CDH23: variants seen among roughly 807,000 people sequenced by gnomAD.
CDH23 encodes the protein cadherin related 23, also known as cadherin-23.
Under a neutral mutation model 317.1 loss-of-function variants are expected in CDH23, and 189 were observed. The ratio of observed to expected loss-of-function variants is 0.60; its 90% CI spans 0.53 to 0.67. The LOEUF is 0.67. CDH23 is among the 30% of genes least tolerant of loss of function. CDH23 has a pLI of 0.00. For missense variants in CDH23, 4,401 were observed against 4,592.4 expected, an observed-to-expected ratio of 0.96 and a Z score of 1.20; for synonymous variants, 1,839 against 1,876.8, an observed-to-expected ratio of 0.98 and a Z score of 0.52.
At chr10:71,403,371 CTTTCTTTCTT>C (rs1229778994) in intron 1 of CDH23, among the ~76,000 whole-genome samples, 1 of 111,148 alleles carries the variant, frequency 9.0e-6, no homozygotes, top group Non-Finnish European at 1.7e-5. Flanking sequence ...TTCTTTCTTT[CTTTCTTTCTT>C]TCTTTCTTTC....
intron 35 of CDH23, 109 bp from the exon 36 acceptor site, chr10:71,739,535 T>G: frequency 7.2e-7 from 1 of 1,386,698 alleles, no homozygotes; most frequent in Non-Finnish European, 9.7e-7. Context: ...AAGCCCTTGC[T>G]CAACAGAGGG....
Position 71,809,805 on chromosome 10 carries a change from T to C in CDH23, c.8723-15T>C. The C allele has an allele frequency of 6.2e-7, 1 of 1,607,622 alleles. No homozygotes were observed. Reference sequence around the variant, plus strand: ...TGAGTCTCTGAGCCGTACCCCGCCTTTGGGCTTCCTGCAGGGAGCATGGAC... The same window carrying C: ...TGAGTCTCTGAGCCGTACCCCGCCTCTGGGCTTCCTGCAGGGAGCATGGAC... On this transcript the variant is annotated splice_polypyrimidine_tract_variant and intron_variant, in intron 60 of 69. Coordinates refer to ENST00000224721, the MANE Select transcript of CDH23 (RefSeq NM_022124.6).
intron 3 of CDH23, among the ~76,000 whole-genome samples, chr10:71,492,066 A>G (rs1307339047): frequency 1.3e-5 from 2 of 152,346 alleles, no homozygotes; most frequent in Non-Finnish European, 1.5e-5. Flanking sequence ...CACAGAGCCC[A>G]GAGTCCTGCC....
Position 71,440,343 on chromosome 10 carries a change from G to T in CDH23, c.67+445G>T, listed in dbSNP as rs536548612. Among the ~76,000 whole-genome samples, 7 of 152,300 alleles carry T rather than the reference G, an allele frequency of 4.6e-5. No individual in the cohort carries two copies. The East Asian group carries it at 1.4e-3, about 29-fold the overall frequency. ...CTCAAGAAGCTCAGAGCCTGGCAGG[G>T]GAGAAAGACACATGCAGGATTTCCT... is the stretch of plus-strand genomic sequence containing the variant. On this transcript the variant is annotated intron_variant, in intron 2 of 69. Transcript: ENST00000224721.
intron 1 of CDH23, among the ~76,000 whole-genome samples, chr10:71,409,786 G>A (rs1481709965): frequency 2.6e-5 from 4 of 152,166 alleles, no homozygotes; most frequent in Admixed American, 1.3e-4. Context: ...TAAGAGCCCA[G>A]TCCCATGGGC....
At chr10:71,786,571 C>T (rs1038349879) in intron 44 of CDH23, among the ~76,000 whole-genome samples, 2 of 146,946 alleles carry the variant, frequency 1.4e-5, no homozygotes, top group Non-Finnish European at 3.0e-5. Context: ...GATCTCAGCT[C>T]ACTGCAACCT....
chr10:71,604,515 C>A (rs527579412), intron 9 of CDH23, among the ~76,000 whole-genome samples: 54 of 152,188 alleles, frequency 3.5e-4, no homozygotes, highest in Non-Finnish European at 1.8e-4. Context: ...CCAGCCCAAC[C>A]CCTGCAGGAG....
intron 9 of CDH23, among the ~76,000 whole-genome samples, chr10:71,605,660 T>A (rs1015050534): frequency 2.6e-5 from 4 of 152,252 alleles, no homozygotes; most frequent in Non-Finnish European, 5.9e-5. Context: ...TGTCCTTTTT[T>A]AAAACACATC....
At chr10:71,646,918 G>T in intron 14 of CDH23, 1 of 1,412,074 alleles carries the variant, frequency 7.1e-7, no homozygotes, top group Non-Finnish European at 9.2e-7. Flanking sequence ...AGCCCTGGAA[G>T]CCCCCTCAAA....
chr10:71,735,490 C>T (rs1372035922), intron 34 of CDH23, among the ~76,000 whole-genome samples: 1 of 152,120 alleles, frequency 6.6e-6, no homozygotes, highest in Non-Finnish European at 1.5e-5. Context: ...GGATGGCATC[C>T]TGTGGTGATC....
intron 25 of CDH23, among the ~76,000 whole-genome samples, chr10:71,706,166 C>G (rs375009403): frequency 6.6e-6 from 1 of 152,156 alleles, no homozygotes; most frequent in South Asian, 2.1e-4. Context: ...TTCAGAGGAA[C>G]CCAAGTGGGG....
chr10:71,596,017 T>G (rs968314608), intron 9 of CDH23, among the ~76,000 whole-genome samples: 1 of 152,184 alleles, frequency 6.6e-6, no homozygotes, highest in East Asian at 1.9e-4. Flanking sequence ...TAATTGGGGC[T>G]TGGCTCTGGG....
intron 38 of CDH23, among the ~76,000 whole-genome samples, chr10:71,764,887 A>C (rs1011475209): frequency 6.6e-6 from 1 of 152,330 alleles, no homozygotes; most frequent in East Asian, 1.9e-4. Context: ...TGCAGGGACT[A>C]GCCAACTCTC....
chr10:71,702,295 C>T, intron 23 of CDH23, 84 bp downstream of exon 23: 1 of 1,447,156 alleles, frequency 6.9e-7, no homozygotes, highest in Non-Finnish European at 9.5e-7. Context: ...GTACCTGGGG[C>T]CCACCCAGGA....
Position 71,527,931 on chromosome 10 carries a change from C to T in CDH23, c.429+16719C>T, listed in dbSNP as rs182807337. Among the ~76,000 whole-genome samples the T allele has an allele frequency of 2.0e-3, 312 of 152,282 alleles. 1 individual carries two copies. The highest frequency in any genetic ancestry group is 3.4e-3 in the Middle Eastern group (1 of 294). On this transcript the variant is annotated intron_variant, in intron 6 of 69. Coordinates refer to ENST00000224721, the MANE Select transcript of CDH23 (RefSeq NM_022124.6). ...GGAGCAGACCTCACCTCCCTGGTCCCCATGGCTGGACTGGGATGTTTCCAT... is the reference window on the plus strand; with the variant it reads ...GGAGCAGACCTCACCTCCCTGGTCCTCATGGCTGGACTGGGATGTTTCCAT...
chr10:71,502,311 T>C (rs1011975835), intron 3 of CDH23, among the ~76,000 whole-genome samples: 3 of 152,156 alleles, frequency 2.0e-5, no homozygotes, highest in African/African-American at 7.2e-5. Context: ...CCTTTTAGGA[T>C]TGATTATGGT....
intron 10 of CDH23, 130 bp downstream of exon 10, chr10:71,615,746 C>G (rs1861150759): frequency 3.1e-6 from 2 of 653,450 alleles, no homozygotes; most frequent in Non-Finnish European, 5.4e-6. Flanking sequence ...CGTGCTCTCA[C>G]CCTGCACTGC....
rs1460281722 is a variant in CDH23, at chr10:71,455,577, G to A, written c.145+9182G>A. On this transcript the variant is annotated intron_variant, in intron 3 of 69. Coordinates refer to ENST00000224721, the MANE Select transcript of CDH23 (RefSeq NM_022124.6). ...GTTCCAGGTATTGTGCATGCGAACA[G>A]AAGAGACAAAAATCCCTGTCCTCAT... Among the ~76,000 whole-genome samples the A allele has an allele frequency of 2.0e-5, 3 of 152,156 alleles. No individual in the cohort carries two copies. The East Asian group carries it at 5.8e-4, about 29-fold the overall frequency.
At chr10:71,696,636 T>C (rs1564739304) in intron 22 of CDH23, among the ~76,000 whole-genome samples, 1 of 152,214 alleles carries the variant, frequency 6.6e-6, no homozygotes, top group Non-Finnish European at 1.5e-5. Flanking sequence ...GAAAGGAAGA[T>C]AGGCATGACG....
Sources: gnomAD v4.1 joint callset for allele counts (sites outside exome capture counted in the v4.1 genomes callset) on GRCh38, gnomAD v4.1.1 for gene constraint, MANE v1.5 for transcripts, NCBI Gene and HGNC (gene_info 2026-07-23, HGNC 2026-07-21) for gene names.